NHP2: variants seen among roughly 807,000 people sequenced by gnomAD.
NHP2 encodes the protein H/ACA ribonucleoprotein complex subunit 2.
A neutral mutation model predicts 16.7 loss-of-function variants in NHP2; 10 were observed. That is an observed-to-expected ratio of 0.60 (90% CI 0.37 to 1.01). The LOEUF is 1.01. Ranked by LOEUF, NHP2 falls within the 50% of genes least tolerant of loss-of-function variation. The pLI is 0.01. For missense variants in NHP2, 184 were observed against 198.3 expected, an observed-to-expected ratio of 0.93 and a Z score of 0.43; for synonymous variants, 87 against 78.9, an observed-to-expected ratio of 1.10 and a Z score of -0.54.
At position 178,150,935 on chromosome 5, in the gene NHP2, T is replaced by C. The variant is rs372840247; in HGVS notation, c.289A>G (p.Met97Val). 9.3e-6 allele frequency: 15 copies of C among 1,613,822 alleles called. No homozygotes were observed. The African/African-American group carries it at 2.0e-4, about 22-fold the overall frequency. Reference protein sequence around the residue: ...PIEVYCHLPVMCEDRNLPYVY... With the variant: ...PIEVYCHLPVVCEDRNLPYVY... ...TAGGGCAAATTTCGGTCCTCACACA[T>C]GACTGGGAGATGGCAGTATACCTCA... is the stretch of plus-strand genomic sequence containing the variant. The change falls in exon 3 of 4, where the codon ATG becomes GTG. Residue 97 changes from methionine (M) to valine (V), a missense_variant. Met to Val is a conservative substitution (Grantham distance 21). Transcript: ENST00000274606.
Position 178,153,791 on chromosome 5 carries a change from G to T in NHP2, c.27C>A (p.Asp9Glu). ...ACGCCTCCGCCTGAGCCTCGGGCCC[G>T]TCGGGATCTGCCTTTATTTTGGTCA... MTKIKADP[D>E]GPEAQAEACS... The change falls in exon 1 of 4, where the codon GAC (aspartate) becomes GAA (glutamate). Residue 9 changes from aspartate to glutamate, a missense_variant. Transcript: ENST00000274606. 6.2e-7 allele frequency: 1 copy of T among 1,611,506 alleles called. No homozygotes were observed. Among genetic ancestry groups the T allele is most frequent in the Non-Finnish European group, 8.5e-7 (1 of 1,178,970 alleles).
In NHP2 at chr5:178,150,933, CAT is replaced by C. The variant is rs762821341; in HGVS notation, c.289_290del (p.Met97ValfsTer2). 92 of 1,614,064 alleles carry C rather than the reference CAT, an allele frequency of 5.7e-5. No homozygotes were observed. Among genetic ancestry groups the C allele is most frequent in the Admixed American group, 1.8e-4 (11 of 60,000 alleles). On this transcript the variant is annotated frameshift_variant, in exon 3 of 4. Transcript: ENST00000274606. LOFTEE classifies it high-confidence loss of function. ...CATAGGGCAAATTTCGGTCCTCACA[CAT>C]GACTGGGAGATGGCAGTATACCTCA... Reference protein sequence around the residue: ...PIEVYCHLPVMCEDRNLPYVY... With the variant: ...PIEVYCHLPVXCEDRNLPYVY...
intron 2 of NHP2, among the ~76,000 whole-genome samples, chr5:178,151,436 CAGTG>C (rs1756275540): frequency 6.6e-6 from 1 of 152,290 alleles, no homozygotes; most frequent in South Asian, 2.1e-4. Flanking sequence ...CCAAGAGTGA[CAGTG>C]AGGCAATGAA....
At position 178,150,677 on chromosome 5, in the gene NHP2, C is replaced by T. The variant is rs755098219; in HGVS notation, c.336+211G>A. The stretch of plus-strand genomic sequence containing the variant: ...GGATTACAGGTGTGAGCCACAGCGC[C>T]TGGGCTGGGATTCCCACTTTACAAG... On this transcript the variant is annotated intron_variant, in intron 3 of 3. Transcript: ENST00000274606. 5.4e-5 allele frequency: 38 copies of T among 704,450 alleles called. 1 individual carries two copies. The highest frequency in any genetic ancestry group is 5.4e-4 in the South Asian group (37 of 69,064). The allele number at this position is 704,450 out of a possible 1,614,324, so 43.6% of individuals were successfully genotyped here. A position where few individuals can be genotyped will look rare whatever the true frequency, so the allele number is the denominator to read the frequency against.
rs193279113 is a variant in NHP2, at chr5:178,151,640, C to T, written c.231-647G>A. 2.1e-3 allele frequency among the ~76,000 whole-genome samples: 323 copies of T among 152,262 alleles called. 2 individuals are homozygous for T. Among genetic ancestry groups the T allele is most frequent in the Admixed American group, 5.6e-3 (86 of 15,304 alleles). ...TCCTAGTGCTCCTCTGGGCCCTCTG[C>T]TGGCTCCCCTTCTGTTAAGCGCCTT... On this transcript the variant is annotated intron_variant, in intron 2 of 3. Transcript: ENST00000274606.
chr5:178,150,882 C>T lies in NHP2; in HGVS notation c.336+6G>A. The T allele has an allele frequency of 6.2e-7, 1 of 1,601,684 alleles. No homozygotes were observed. Among genetic ancestry groups the T allele is most frequent in the Admixed American group, 1.7e-5 (1 of 60,010 alleles). The stretch of plus-strand genomic sequence containing the variant: ...GAGCAAGGTCAGGGGGCCACGTGCT[C>T]CTTACCGTCTTAGAGGGGATATAGA... On this transcript the variant is annotated splice_donor_region_variant and intron_variant, in intron 3 of 3. Transcript: ENST00000274606.
intron 3 of NHP2, chr5:178,150,339 C>A: frequency 4.1e-6 from 1 of 243,304 alleles, no homozygotes; most frequent in African/African-American, 2.3e-5. Context: ...CTGCTTTATC[C>A]CAAGAAGTGA....
chr5:178,151,379 A>G (rs929281052), intron 2 of NHP2, among the ~76,000 whole-genome samples: 24 of 152,084 alleles, frequency 1.6e-4, no homozygotes, highest in Non-Finnish European at 3.1e-4. Flanking sequence ...CTGGCAGGGG[A>G]CACCCCCAAG....
At chr5:178,150,386 T>C (rs1455916633) in intron 3 of NHP2, 85 of 155,760 alleles carry the variant, frequency 5.5e-4, no homozygotes, top group Middle Eastern at 2.3e-3. Flanking sequence ...CAGCCTCTAT[T>C]TTTTTTTTTT....
At chr5:178,150,548 T>TA (rs1411438691) in intron 3 of NHP2, 2 of 397,096 alleles carry the variant, frequency 5.0e-6, no homozygotes, top group Non-Finnish European at 9.7e-6. Flanking sequence ...CCCAGCTAAT[T>TA]AAAAAAATTT....
chr5:178,150,751 GA>G (rs780879443), intron 3 of NHP2, 136 bp downstream of exon 3: 1 of 777,660 alleles, frequency 1.3e-6, no homozygotes, highest in Non-Finnish European at 2.4e-6. Context: ...CCAAAACTAA[GA>G]AGATGTGGAG....
At chr5:178,150,065 A>G (rs566624258) in intron 3 of NHP2, 2 of 453,694 alleles carry the variant, frequency 4.4e-6, no homozygotes, top group African/African-American at 2.0e-5. Flanking sequence ...CAACTATGAA[A>G]GGGCTCCAGC....
At chr5:178,153,117 T>A in intron 2 of NHP2, 1 of 363,398 alleles carries the variant, frequency 2.8e-6, no homozygotes, top group South Asian at 2.3e-5. Flanking sequence ...GTTCAGTTCC[T>A]TAAATACAGA....
rs1306948960 is a variant in NHP2, at chr5:178,153,673, TG to T, written c.144del (p.Tyr48Ter). On this transcript the variant is annotated frameshift_variant, in exon 1 of 4. Coordinates refer to ENST00000274606, the MANE Select transcript of NHP2 (RefSeq NM_017838.4). LOFTEE classifies it high-confidence loss of function. ...LASRRLTRKLYKCIKKAVKQK... is the reference protein window; with the variant it reads ...LASRRLTRKLXKCIKKAVKQK... Reference sequence around the variant, plus strand: ...TCCGCCTCACCTTTCTTGATGCATTTGTAGAGCTTCCGCGTGAGGCGGCGAG... The same window carrying T: ...TCCGCCTCACCTTTCTTGATGCATTTTAGAGCTTCCGCGTGAGGCGGCGAG... 10 of 1,613,898 alleles carry T rather than the reference TG, an allele frequency of 6.2e-6. No homozygotes were observed. Among genetic ancestry groups the T allele is most frequent in the Non-Finnish European group, 8.5e-6 (10 of 1,179,958 alleles).
chr5:178,151,544 C>T (rs1756277587), intron 2 of NHP2, among the ~76,000 whole-genome samples: 1 of 152,232 alleles, frequency 6.6e-6, no homozygotes, highest in African/African-American at 2.4e-5. Flanking sequence ...AAGGAAAAGT[C>T]TGCTCTCCCA....
chr5:178,151,425 C>T (rs1756275352), intron 2 of NHP2, among the ~76,000 whole-genome samples: 1 of 152,140 alleles, frequency 6.6e-6, no homozygotes, highest in Non-Finnish European at 1.5e-5. Flanking sequence ...TGGGCTCTGT[C>T]CCAAGAGTGA....
chr5:178,149,919 G>C, intron 3 of NHP2, 81 bp from the exon 4 acceptor site: 1 of 1,457,124 alleles, frequency 6.9e-7, no homozygotes, highest in Non-Finnish European at 9.5e-7. Context: ...TGACCCACCA[G>C]CCTAATCTGG....
In NHP2 at chr5:178,150,875, A is replaced by G. The variant is rs1756259679; in HGVS notation, c.336+13T>C. 3 of 1,563,856 alleles carry G rather than the reference A, an allele frequency of 1.9e-6. No individual in the cohort carries two copies. In the African/African-American group the frequency reaches 4.1e-5, roughly 21 times the overall value. On this transcript the variant is annotated intron_variant, in intron 3 of 3. Transcript: ENST00000274606. ...CAGTGCTGAGCAAGGTCAGGGGGCC[A>G]CGTGCTCCTTACCGTCTTAGAGGGG...
chr5:178,153,387 T>C, intron 2 of NHP2, 104 bp downstream of exon 2: 1 of 1,171,014 alleles, frequency 8.5e-7, no homozygotes. Flanking sequence ...GGCTTCTGTA[T>C]ATGGGGCTAG....
Sources: gnomAD v4.1 joint callset for allele counts (sites outside exome capture counted in the v4.1 genomes callset) on GRCh38, gnomAD v4.1.1 for gene constraint, MANE v1.5 for transcripts, NCBI Gene and HGNC (gene_info 2026-07-23, HGNC 2026-07-21) for gene names.